KIAA1328: variants seen among roughly 807,000 people sequenced by gnomAD.
The protein encoded by KIAA1328 is protein hinderin.
KIAA1328 carries 52 observed loss-of-function variants against 68.1 expected under a neutral mutation model. The ratio of observed to expected loss-of-function variants is 0.76; its 90% CI spans 0.61 to 0.96. The LOEUF (loss-of-function observed/expected upper bound fraction) is 0.96, where lower values mean the gene tolerates loss of function less well. Ranked by LOEUF, KIAA1328 falls within the 40% of genes least tolerant of loss-of-function variation. The probability of loss-of-function intolerance (pLI) is 0.00; values close to 1 mark genes in which losing one functional copy is unlikely to be tolerated. For missense variants in KIAA1328, 641 were observed against 677.6 expected, an observed-to-expected ratio of 0.95 and a Z score of 0.60; for synonymous variants, 232 against 239.4, an observed-to-expected ratio of 0.97 and a Z score of 0.28.
At chr18:36,903,611 C>T (rs2049113433) in intron 5 of KIAA1328, 1 of 152,100 alleles carries the variant, frequency 6.6e-6, no homozygotes, top group Admixed American at 6.6e-5. Flanking sequence ...AATCACTGAC[C>T]TCGCTAAAAT....
rs10617798 is a variant in KIAA1328, at chr18:36,953,373, TATAGATAGATAGATAGATAG to T, written c.449-5905_449-5886del. Among the ~76,000 whole-genome samples the T allele has an allele frequency of 7.0e-4, 98 of 140,710 alleles. No individual in the cohort carries two copies. The East Asian group carries it at 8.9e-3, about 13-fold the overall frequency. The allele number at this position is 140,710 out of a possible 152,430, so 92.3% of individuals were successfully genotyped here. A position where few individuals can be genotyped will look rare whatever the true frequency, so the allele number is the denominator to read the frequency against. ...AGCAGATATAGCCAATGCCAACAACTATAGATAGATAGATAGATAGATAGATAGATAGATAGATAGATAGA... is the reference window on the plus strand; with the variant it reads ...AGCAGATATAGCCAATGCCAACAACTATAGATAGATAGATAGATAGATAGA... On this transcript the variant is annotated intron_variant, in intron 5 of 9. Coordinates refer to ENST00000280020, the MANE Select transcript of KIAA1328 (RefSeq NM_020776.3).
chr18:37,231,635 CCT>C (rs1236014197), downstream of KIAA1328: 1 of 152,496 alleles, frequency 6.6e-6, no homozygotes, highest in Admixed American at 6.5e-5. Context: ...TCAGAGCTGG[CCT>C]CTCCCTCCCT....
chr18:37,044,939 A>C (rs548640012), intron 6 of KIAA1328, among the ~76,000 whole-genome samples: 1 of 152,278 alleles, frequency 6.6e-6, no homozygotes, highest in South Asian at 2.1e-4. Flanking sequence ...TCCACCTTGA[A>C]ACAGACTTGA....
intron 7 of KIAA1328, among the ~76,000 whole-genome samples, chr18:37,141,489 G>C (rs934381313): frequency 6.6e-6 from 1 of 152,134 alleles, no homozygotes; most frequent in Non-Finnish European, 1.5e-5. Flanking sequence ...GTTTATCAGT[G>C]CATCTGTTGA....
chr18:36,971,047 AC>A (rs2052183320), intron 6 of KIAA1328, among the ~76,000 whole-genome samples: 1 of 152,234 alleles, frequency 6.6e-6, no homozygotes, highest in Non-Finnish European at 1.5e-5. Flanking sequence ...CTGACTTCAA[AC>A]TATACTACAA....
At chr18:37,191,615 G>A (rs2059905641) in intron 9 of KIAA1328, among the ~76,000 whole-genome samples, 1 of 152,030 alleles carries the variant, frequency 6.6e-6, no homozygotes, top group African/African-American at 2.4e-5. Context: ...GCCTTTTCCA[G>A]GAAACACACT....
At chr18:37,069,126 G>A (rs2056444052) in intron 7 of KIAA1328, among the ~76,000 whole-genome samples, 1 of 151,962 alleles carries the variant, frequency 6.6e-6, no homozygotes, top group Non-Finnish European at 1.5e-5. Flanking sequence ...TGTTAATATG[G>A]TGAATTACAT....
intron 6 of KIAA1328, among the ~76,000 whole-genome samples, chr18:37,028,709 G>C (rs904826328): frequency 9.2e-5 from 14 of 152,098 alleles, no homozygotes; most frequent in African/African-American, 3.4e-4. Flanking sequence ...TCAATGCCTA[G>C]TTGTTGAGGG....
At chr18:37,006,089 C>A (rs1325692780) in intron 6 of KIAA1328, among the ~76,000 whole-genome samples, 2 of 151,610 alleles carry the variant, frequency 1.3e-5, no homozygotes, top group African/African-American at 4.8e-5. Flanking sequence ...GTGACAGATA[C>A]CCTAAATACC....
intron 7 of KIAA1328, among the ~76,000 whole-genome samples, chr18:37,159,571 G>A (rs561320679): frequency 3.5e-4 from 53 of 152,218 alleles, no homozygotes; most frequent in African/African-American, 1.3e-3. Context: ...TATTATAAGA[G>A]GAAATATGCT....
chr18:36,982,257 C>T (rs542593925), intron 6 of KIAA1328, among the ~76,000 whole-genome samples: 1 of 149,446 alleles, frequency 6.7e-6, no homozygotes, highest in South Asian at 2.1e-4. Context: ...GTGATGAAAA[C>T]TATAAACCCA....
At chr18:36,871,813 A>G (rs1388797784) in intron 4 of KIAA1328, among the ~76,000 whole-genome samples, 1 of 152,094 alleles carries the variant, frequency 6.6e-6, no homozygotes, top group East Asian at 1.9e-4. Context: ...TGTGAGTCCC[A>G]GCTAAACTGC....
intron 3 of KIAA1328, among the ~76,000 whole-genome samples, chr18:36,837,435 T>C (rs1464501484): frequency 6.6e-6 from 1 of 152,198 alleles, no homozygotes; most frequent in Non-Finnish European, 1.5e-5. Context: ...AACTGAGTTA[T>C]TTGTCTTAGT....
At chr18:37,209,546 T>C (rs548502129) in intron 9 of KIAA1328, among the ~76,000 whole-genome samples, 1 of 152,280 alleles carries the variant, frequency 6.6e-6, no homozygotes, top group African/African-American at 2.4e-5. Flanking sequence ...GATTGATGGC[T>C]ATTTTGGATG....
intron 4 of KIAA1328, among the ~76,000 whole-genome samples, chr18:36,872,830 A>G (rs2047992501): frequency 6.6e-6 from 1 of 152,218 alleles, no homozygotes; most frequent in African/African-American, 2.4e-5. Context: ...AATCTGTATT[A>G]GTTATTTATG....
At chr18:36,911,068 T>C (rs1307716995) in intron 5 of KIAA1328, among the ~76,000 whole-genome samples, 1 of 152,162 alleles carries the variant, frequency 6.6e-6, no homozygotes, top group Non-Finnish European at 1.5e-5. Context: ...GATTACATTT[T>C]ACCCTCTTCC....
At chr18:36,977,984 A>G (rs1179846375) in intron 6 of KIAA1328, among the ~76,000 whole-genome samples, 2 of 151,954 alleles carry the variant, frequency 1.3e-5, no homozygotes, top group African/African-American at 4.8e-5. Context: ...GGGTTTTGCC[A>G]TGTTGCCCAG....
intron 6 of KIAA1328, among the ~76,000 whole-genome samples, chr18:37,008,008 G>T (rs1369612900): frequency 6.6e-6 from 1 of 152,144 alleles, no homozygotes; most frequent in African/African-American, 2.4e-5. Context: ...AACTAAAACT[G>T]ATAGAAATCT....
intron 6 of KIAA1328, among the ~76,000 whole-genome samples, chr18:37,032,280 T>G (rs2054860358): frequency 6.6e-6 from 1 of 152,358 alleles, no homozygotes; most frequent in East Asian, 1.9e-4. Context: ...CTTCCATTTG[T>G]TCTGTTATTA....
Sources: allele counts gnomAD v4.1 joint callset (sites outside exome capture counted in the v4.1 genomes callset), GRCh38; gene constraint gnomAD v4.1.1; transcripts MANE v1.5; gene names NCBI Gene and HGNC (gene_info 2026-07-23, HGNC 2026-07-21).